SYNPR: variants seen among roughly 807,000 people sequenced by gnomAD.
SYNPR encodes synaptoporin.
SYNPR carries 23 observed loss-of-function variants against 32.9 expected under a neutral mutation model. The observed-to-expected ratio is 0.70, with a 90% CI of 0.50 to 0.99. The LOEUF is 0.99. Among genes scored for constraint, SYNPR ranks in the 50% least tolerant of loss-of-function variants. The probability of loss-of-function intolerance (pLI) is 0.00; values close to 1 mark genes in which losing one functional copy is unlikely to be tolerated. For synonymous variants in SYNPR, 146 were observed against 135.9 expected (o/e 1.07, Z -0.52); for missense variants, 318 against 349.3 (o/e 0.91, Z 0.71).
In SYNPR at chr3:63,262,095, G is replaced by A. The variant is rs1337434309; in HGVS notation, n.155-5222G>A. ...TTACAGTTTTCATTTTTAGAGAGTTGTTTCTTAAGGACAAAAAAAAAACCA... is the reference window on the plus strand; with the variant it reads ...TTACAGTTTTCATTTTTAGAGAGTTATTTCTTAAGGACAAAAAAAAAACCA... On this transcript the variant is annotated intron_variant and non_coding_transcript_variant, in intron 2 of 4. Transcript: ENST00000478456. Among the ~76,000 whole-genome samples the A allele has an allele frequency of 2.8e-5, 3 of 107,362 alleles. No individual in the cohort carries two copies. The East Asian group carries it at 6.3e-4, about 23-fold the overall frequency. 70.4% of individuals were successfully genotyped at this position (107,362 alleles called of 152,430 possible). A position where few individuals can be genotyped will look rare whatever the true frequency, so the allele number is the denominator to read the frequency against.
chr3:63,311,778 G>T (rs977059052), intron 2 of SYNPR, among the ~76,000 whole-genome samples: 1 of 151,992 alleles, frequency 6.6e-6, no homozygotes, highest in African/African-American at 2.4e-5. Flanking sequence ...AACAGGTTAT[G>T]TCATTATGTA....
chr3:63,367,562 C>T (rs1191446439), intron 2 of SYNPR, among the ~76,000 whole-genome samples: 2 of 151,954 alleles, frequency 1.3e-5, no homozygotes, highest in Non-Finnish European at 1.5e-5. Context: ...TACCATGTTG[C>T]CCAGCCTCGT....
chr3:63,304,465 C>T (rs1206664391), intron 2 of SYNPR, among the ~76,000 whole-genome samples: 1 of 151,756 alleles, frequency 6.6e-6, no homozygotes, highest in African/African-American at 2.4e-5. Context: ...AAAGAGAGAC[C>T]AGGCCAAAGA....
intron 2 of SYNPR, among the ~76,000 whole-genome samples, chr3:63,297,204 T>C (rs2086798225): frequency 1.3e-5 from 2 of 152,164 alleles, no homozygotes. Context: ...AAAACATTCA[T>C]TTTTACATTT....
At chr3:63,208,888 C>G in the SYNPR span, among the ~76,000 whole-genome samples, 1 of 152,098 alleles carries the variant, frequency 6.6e-6, no homozygotes, top group Admixed American at 6.6e-5. Context: ...AATCTATTTA[C>G]CTTTTACAAT....
intron 2 of SYNPR, among the ~76,000 whole-genome samples, chr3:63,334,209 G>A (rs1216638285): frequency 6.6e-6 from 1 of 152,150 alleles, no homozygotes; most frequent in Non-Finnish European, 1.5e-5. Context: ...CCTAGTGCAG[G>A]CAGGAACTAG....
At chr3:63,608,096 A>G (rs1473230127) in intron 4 of SYNPR, among the ~76,000 whole-genome samples, 4 of 152,130 alleles carry the variant, frequency 2.6e-5, no homozygotes, top group Admixed American at 6.6e-5. Flanking sequence ...AAACATATAT[A>G]TAGTCAATCT....
chr3:63,557,776 T>C (rs540230285), intron 4 of SYNPR, among the ~76,000 whole-genome samples: 23 of 152,208 alleles, frequency 1.5e-4, no homozygotes, highest in Admixed American at 3.9e-4. Context: ...GCAAGCTTTC[T>C]CAGCATTTAC....
chr3:63,306,202 G>T (rs1367386612), intron 2 of SYNPR, among the ~76,000 whole-genome samples: 1 of 151,942 alleles, frequency 6.6e-6, no homozygotes, highest in African/African-American at 2.4e-5. Context: ...GCATCTCATC[G>T]ATGTATGTCA....
In SYNPR at chr3:63,278,487, A is replaced by C; in HGVS notation, c.-47A>C. On this transcript the variant is annotated 5_prime_UTR_variant, in exon 1 of 6. Transcript: ENST00000478300. ...AGGACGGTGGTGCCAAGCGAACTTC[A>C]TTTTTAAAAAGAACTGGTGGATGAG... is the stretch of plus-strand genomic sequence containing the variant. 1 of 1,536,618 alleles carries C rather than the reference A, an allele frequency of 6.5e-7. No individual in the cohort carries two copies. Among genetic ancestry groups the C allele is most frequent in the Non-Finnish European group, 8.8e-7 (1 of 1,139,232 alleles).
chr3:63,289,937 T>C (rs1415201639), intron 2 of SYNPR, among the ~76,000 whole-genome samples: 1 of 152,000 alleles, frequency 6.6e-6, no homozygotes, highest in Non-Finnish European at 1.5e-5. Context: ...GAGACCATCC[T>C]GGCTAACATG....
intron 2 of SYNPR, among the ~76,000 whole-genome samples, chr3:63,293,824 A>G (rs1321349053): frequency 1.3e-5 from 2 of 151,788 alleles, no homozygotes; most frequent in Non-Finnish European, 2.9e-5. Flanking sequence ...CCCTTTTTCT[A>G]TGACGCCAGT....
intron 2 of SYNPR, among the ~76,000 whole-genome samples, chr3:63,307,622 T>A (rs1450663856): frequency 6.6e-6 from 1 of 151,980 alleles, no homozygotes; most frequent in African/African-American, 2.4e-5. Context: ...TCCCCTCACC[T>A]CAGCCTTTCT....
intron 2 of SYNPR, among the ~76,000 whole-genome samples, chr3:63,386,622 T>C (rs1044647771): frequency 1.3e-5 from 2 of 152,002 alleles, no homozygotes; most frequent in African/African-American, 4.8e-5. Context: ...CTTCCTTCCT[T>C]CCTTCCTTTC....
At chr3:63,540,805 A>G (rs1702284405) in intron 3 of SYNPR, among the ~76,000 whole-genome samples, 1 of 151,322 alleles carries the variant, frequency 6.6e-6, no homozygotes, top group Non-Finnish European at 1.5e-5. Flanking sequence ...GACATGTGTT[A>G]TTTCCGTTTT....
chr3:63,449,504 G>T (rs1700341171), intron 2 of SYNPR, among the ~76,000 whole-genome samples: 1 of 152,108 alleles, frequency 6.6e-6, no homozygotes, highest in Non-Finnish European at 1.5e-5. Context: ...TGTGTCAGTA[G>T]CAATCTCCCC....
chr3:63,281,615 C>G (rs1432549166), intron 2 of SYNPR, among the ~76,000 whole-genome samples: 1 of 152,074 alleles, frequency 6.6e-6, no homozygotes, highest in Non-Finnish European at 1.5e-5. Context: ...TCGTCTGTCC[C>G]TTATAAGAAC....
At chr3:63,391,194 C>T (rs894945995) in intron 2 of SYNPR, among the ~76,000 whole-genome samples, 1 of 152,176 alleles carries the variant, frequency 6.6e-6, no homozygotes, top group East Asian at 1.9e-4. Context: ...ATCTACCACT[C>T]ATCCTTCCTG....
intron 2 of SYNPR, among the ~76,000 whole-genome samples, chr3:63,413,574 A>G (rs1364001822): frequency 6.6e-6 from 1 of 152,202 alleles, no homozygotes; most frequent in Admixed American, 6.5e-5. Context: ...AAAATCAAGA[A>G]AAGACCCTTA....
Sources: gnomAD v4.1 joint callset for allele counts (sites outside exome capture counted in the v4.1 genomes callset) on GRCh38, gnomAD v4.1.1 for gene constraint, MANE v1.5 for transcripts, NCBI Gene and HGNC (gene_info 2026-07-23, HGNC 2026-07-21) for gene names.